Variants in MKLN1 observed in about 807,000 individuals in gnomAD.
MKLN1 encodes muskelin 1.
Under a neutral mutation model 99.0 loss-of-function variants are expected in MKLN1, and 18 were observed. The observed-to-expected ratio is 0.18, with a 90% CI of 0.13 to 0.27. The LOEUF is 0.27. Ranked by LOEUF, MKLN1 falls within the 10% of genes least tolerant of loss-of-function variation. The pLI is 1.00. For missense variants in MKLN1, 621 were observed against 875.9 expected, an observed-to-expected ratio of 0.71 and a Z score of 3.67; for synonymous variants, 288 against 293.2, an observed-to-expected ratio of 0.98 and a Z score of 0.18.
At chr7:131,239,081 T>C (rs1264753664) in intron 3 of MKLN1, among the ~76,000 whole-genome samples, 3 of 152,176 alleles carry the variant, frequency 2.0e-5, no homozygotes, top group South Asian at 4.1e-4. Flanking sequence ...TGAGATTCTA[T>C]GATTATGGTG....
chr7:131,202,437 GT>G (rs1392748496), intron 2 of MKLN1, among the ~76,000 whole-genome samples: 1 of 151,814 alleles, frequency 6.6e-6, no homozygotes, highest in Non-Finnish European at 1.5e-5. Flanking sequence ...TGTTGTTGTT[GT>G]TGTTATATAG....
Position 131,466,370 on chromosome 7 carries a change from A to G in MKLN1, c.1883A>G (p.Lys628Arg). The change falls in exon 15 of 18, where the codon AAA (lysine) becomes AGA (arginine). Residue 628 changes from lysine (K) to arginine (R), a missense_variant. By Grantham distance (26) the Lys-to-Arg change is conservative. This residue lies in a region of MKLN1 where 126 missense variants were observed against 157.4 expected (regional missense o/e 0.80). Transcript: ENST00000352689. ...TCACTGAAGTTGTGTAGACCTTCAA[A>G]AGATTATTTACTGAGGCATTGCAAG... ...FWSLKLCRPS[K>R]DYLLRHCKYL... 2 of 1,602,434 alleles carry G rather than the reference A, an allele frequency of 1.2e-6. No individual in the cohort carries two copies. Among genetic ancestry groups the G allele is most frequent in the Non-Finnish European group, 1.7e-6 (2 of 1,172,302 alleles).
At chr7:131,180,698 CAAA>C (rs35667474) in intron 2 of MKLN1, among the ~76,000 whole-genome samples, 10 of 120,338 alleles carry the variant, frequency 8.3e-5, no homozygotes, top group East Asian at 2.3e-4. Context: ...GACTTGGTCT[CAAA>C]AAAAAAAAAA....
chr7:131,303,931 ACTC>A (rs1798414528), intron 3 of MKLN1, among the ~76,000 whole-genome samples: 1 of 152,138 alleles, frequency 6.6e-6, no homozygotes, highest in South Asian at 2.1e-4. Flanking sequence ...CCCTAAGCAA[ACTC>A]CTTTTATTTA....
chr7:131,211,120 T>C (rs1012721951), intron 3 of MKLN1, among the ~76,000 whole-genome samples: 6 of 152,098 alleles, frequency 3.9e-5, no homozygotes, highest in African/African-American at 1.4e-4. Context: ...AATTTCCCAC[T>C]AACTTACCCA....
chr7:131,360,597 C>T (rs1424156771), intron 1 of MKLN1, among the ~76,000 whole-genome samples: 1 of 152,106 alleles, frequency 6.6e-6, no homozygotes, highest in Non-Finnish European at 1.5e-5. Flanking sequence ...TCTTGTATCC[C>T]TTATAATGTT....
chr7:131,480,327 G>A (rs947346679), intron 17 of MKLN1, among the ~76,000 whole-genome samples: 5 of 152,086 alleles, frequency 3.3e-5, no homozygotes, highest in African/African-American at 1.2e-4. Context: ...ATAACACTTT[G>A]GGATATCAAT....
At chr7:131,189,257 G>A (rs1000152208) in intron 2 of MKLN1, among the ~76,000 whole-genome samples, 2 of 152,112 alleles carry the variant, frequency 1.3e-5, no homozygotes, top group African/African-American at 4.8e-5. Flanking sequence ...CTATGGATAT[G>A]GATGTGATTG....
intron 1 of MKLN1, among the ~76,000 whole-genome samples, chr7:131,357,489 G>T (rs533829591): frequency 1.3e-5 from 2 of 152,226 alleles, no homozygotes; most frequent in Middle Eastern, 6.8e-3. Context: ...TCTTAGAGTG[G>T]AGTATTACAT....
At chr7:131,195,080 C>G (rs1394005043) in intron 2 of MKLN1, among the ~76,000 whole-genome samples, 3 of 152,076 alleles carry the variant, frequency 2.0e-5, no homozygotes, top group African/African-American at 7.2e-5. Flanking sequence ...TGGGTCTCTA[C>G]TGAGGAAAAG....
At chr7:131,133,889 G>A (rs1795606830) in intron 1 of MKLN1, among the ~76,000 whole-genome samples, 2 of 128,010 alleles carry the variant, frequency 1.6e-5, no homozygotes, top group Admixed American at 8.9e-5. Context: ...GAGCACAATG[G>A]TGCAATCTCG....
Position 131,255,005 on chromosome 7 carries a change from C to T in MKLN1, c.-179+52031C>T, listed in dbSNP as rs187688428. ...CTCCTGGGCTCAAGGGATCCTCCTT[C>T]CTCAGCCTCCAGAGCTGGGAATACA... On this transcript the variant is annotated intron_variant, in intron 3 of 7. Coordinates refer to the MKLN1 transcript ENST00000416992. Among the ~76,000 whole-genome samples the T allele has an allele frequency of 1.7e-3, 262 of 152,262 alleles. 2 individuals are homozygous for T. Among genetic ancestry groups the T allele is most frequent in the Admixed American group, 2.8e-3 (43 of 15,290 alleles).
intron 13 of MKLN1, 86 bp downstream of exon 13, chr7:131,463,450 A>G: frequency 3.0e-6 from 4 of 1,335,406 alleles, no homozygotes; most frequent in Non-Finnish European, 4.2e-6. Context: ...AAATGAGAGT[A>G]TTACGTTAAT....
chr7:131,283,353 CT>C (rs1798085464), intron 3 of MKLN1, among the ~76,000 whole-genome samples: 1 of 68,896 alleles, frequency 1.5e-5, no homozygotes, highest in Non-Finnish European at 2.7e-5. Flanking sequence ...CCCCTCCTTC[CT>C]TCCTTCCTTC....
At chr7:131,153,663 G>GTT (rs144256871) in intron 2 of MKLN1, among the ~76,000 whole-genome samples, 59,995 of 134,602 alleles carry the variant, frequency 0.45, 14,397 homozygotes, top group Non-Finnish European at 0.54. Context: ...GGTTTTTTTT[G>GTT]GTTTTTTTTT....
intron 3 of MKLN1, among the ~76,000 whole-genome samples, chr7:131,274,643 CAAAAA>C (rs10708074): frequency 3.3e-5 from 3 of 91,624 alleles, no homozygotes. Flanking sequence ...GACCCTGTCT[CAAAAA>C]AAAAAAAAAA....
intron 2 of MKLN1, among the ~76,000 whole-genome samples, chr7:131,146,230 T>C (rs1432281977): frequency 6.6e-6 from 1 of 152,138 alleles, no homozygotes; most frequent in Non-Finnish European, 1.5e-5. Flanking sequence ...TAGTCCCAGA[T>C]ACTGGGGAGG....
intron 2 of MKLN1, among the ~76,000 whole-genome samples, chr7:131,156,688 C>T (rs774251576): frequency 2.6e-5 from 4 of 152,100 alleles, no homozygotes; most frequent in African/African-American, 9.7e-5. Flanking sequence ...TGCTAAGCCG[C>T]GATGTGCAGT....
chr7:131,204,474 C>T (rs530418205), intron 3 of MKLN1, among the ~76,000 whole-genome samples: 1 of 152,276 alleles, frequency 6.6e-6, no homozygotes, highest in East Asian at 1.9e-4. Context: ...TTATATTTGA[C>T]ATGTAGATGT....
Sources: allele counts gnomAD v4.1 joint callset (sites outside exome capture counted in the v4.1 genomes callset), GRCh38; gene constraint gnomAD v4.1.1; regional missense constraint gnomAD v4.1.1; transcripts MANE v1.5; gene names NCBI Gene and HGNC (gene_info 2026-07-23, HGNC 2026-07-21).